PCSK5: variants seen among roughly 807,000 people sequenced by gnomAD.
PCSK5 encodes the protein prohormone convertase 5.
A neutral mutation model predicts 233.2 loss-of-function variants in PCSK5; 129 were observed. That is an observed-to-expected ratio of 0.55 (90% CI 0.48 to 0.64). PCSK5 has a LOEUF of 0.64. Ranked by LOEUF, PCSK5 falls within the 30% of genes least tolerant of loss-of-function variation. The pLI, the probability that PCSK5 is intolerant of heterozygous loss-of-function variation, is 0.00. For synonymous variants in PCSK5, 825 were observed against 879.2 expected (o/e 0.94, Z 1.09); for missense variants, 2,076 against 2,430.1 (o/e 0.85, Z 3.06).
At chr9:75,959,071 A>G (rs1825220419) in intron 2 of PCSK5, among the ~76,000 whole-genome samples, 2 of 152,170 alleles carry the variant, frequency 1.3e-5, no homozygotes, top group Non-Finnish European at 2.9e-5. Flanking sequence ...TTAATAGGAG[A>G]GCAGTGATCA....
At position 76,222,066 on chromosome 9, in the gene PCSK5, T is replaced by C. The variant is rs143108665; in HGVS notation, c.2627-5437T>C. Reference sequence around the variant, plus strand: ...AGCTGCCTAATGTTCATTCTGTCTTTAGTGCATCCTTGAGGAAAGGAAGAA... The same window carrying C: ...AGCTGCCTAATGTTCATTCTGTCTTCAGTGCATCCTTGAGGAAAGGAAGAA... On this transcript the variant is annotated intron_variant, in intron 20 of 37. Transcript: ENST00000674117. 2.4e-3 allele frequency among the ~76,000 whole-genome samples: 368 copies of C among 152,318 alleles called. 1 individual carries two copies. The highest frequency in any genetic ancestry group is 8.5e-3 in the African/African-American group (354 of 41,570).
chr9:76,051,568 A>C (rs1001940364), intron 5 of PCSK5, among the ~76,000 whole-genome samples: 1 of 152,176 alleles, frequency 6.6e-6, no homozygotes, highest in Non-Finnish European at 1.5e-5. Context: ...TATCATAGGT[A>C]ATACTTATCT....
rs777436525 is a variant in PCSK5, at chr9:76,358,936, C to A, written c.*14C>A. The A allele has an allele frequency of 1.1e-5, 17 of 1,604,572 alleles. 2 individuals are homozygous for A. In the South Asian group the frequency reaches 1.9e-4, roughly 18 times the overall value. The stretch of plus-strand genomic sequence containing the variant: ...TACTACCAGTAAACAGGCACTCCCC[C>A]ACCAACACCACCATTCCACTCTCAG... On this transcript the variant is annotated 3_prime_UTR_variant, in exon 38 of 38. Coordinates refer to ENST00000674117, the MANE Select transcript of PCSK5 (RefSeq NM_001372043.1).
intron 22 of PCSK5, among the ~76,000 whole-genome samples, chr9:76,235,510 A>G (rs1314839495): frequency 2.0e-5 from 3 of 152,178 alleles, no homozygotes; most frequent in Admixed American, 2.0e-4. Context: ...ATTGTGTTTA[A>G]TCCATTATCT....
intron 5 of PCSK5, among the ~76,000 whole-genome samples, chr9:76,038,217 G>A (rs908566575): frequency 2.6e-5 from 4 of 151,920 alleles, no homozygotes; most frequent in Non-Finnish European, 4.4e-5. Context: ...CAACCCTTCC[G>A]CCCCGACAAG....
chr9:75,907,317 C>T lies in PCSK5; in HGVS notation c.192+15944C>T, dbSNP rs184033541. Among the ~76,000 whole-genome samples the T allele has an allele frequency of 1.0e-2, 1,508 of 151,494 alleles. 6 individuals carry two copies. Among genetic ancestry groups the T allele is most frequent in the Middle Eastern group, 0.024 (7 of 294 alleles). On this transcript the variant is annotated intron_variant, in intron 1 of 37. Coordinates refer to ENST00000674117, the MANE Select transcript of PCSK5 (RefSeq NM_001372043.1). ...AAGTATTTTGCAGACATGGAACGTACGTAAAATGTAAAATAATGTGAACAC... is the reference window on the plus strand; with the variant it reads ...AAGTATTTTGCAGACATGGAACGTATGTAAAATGTAAAATAATGTGAACAC...
chr9:76,264,698 C>T lies in PCSK5; in HGVS notation c.3142+24014C>T, dbSNP rs78980838. Among the ~76,000 whole-genome samples, 292 of 152,080 alleles carry T rather than the reference C, an allele frequency of 1.9e-3. 1 individual carries two copies. Among genetic ancestry groups the T allele is most frequent in the African/African-American group, 6.0e-3 (250 of 41,496 alleles). ...AACATCAGAGAAATGCAAATCAAAA[C>T]GAAAAGGTAACATCTCATACCAGTC... On this transcript the variant is annotated intron_variant, in intron 24 of 37. Coordinates refer to ENST00000674117, the MANE Select transcript of PCSK5 (RefSeq NM_001372043.1).
chr9:76,338,094 C>T (rs1270347296), intron 34 of PCSK5, 136 bp from the exon 35 acceptor site: 1 of 634,680 alleles, frequency 1.6e-6, no homozygotes, highest in South Asian at 1.9e-5. Context: ...GTGTTATTAG[C>T]AATGAATCTA....
intron 2 of PCSK5, among the ~76,000 whole-genome samples, chr9:75,976,397 A>C (rs1013039962): frequency 1.3e-5 from 2 of 151,932 alleles, no homozygotes; most frequent in Non-Finnish European, 2.9e-5. Context: ...GCATCTTGGC[A>C]TGGCTAGGAA....
chr9:76,265,271 A>T (rs1378916252), intron 24 of PCSK5, among the ~76,000 whole-genome samples: 2 of 151,858 alleles, frequency 1.3e-5, no homozygotes, highest in Non-Finnish European at 2.9e-5. Flanking sequence ...AAAGGGAGGG[A>T]GGGGGAGGCG....
chr9:76,044,524 A>G (rs1348670343), intron 5 of PCSK5, among the ~76,000 whole-genome samples: 2 of 152,310 alleles, frequency 1.3e-5, no homozygotes, highest in East Asian at 3.9e-4. Flanking sequence ...TCTGTGTGTA[A>G]AACAGTGGGG....
chr9:75,962,407 C>T lies in PCSK5; in HGVS notation c.298-23725C>T, dbSNP rs777391141. Among the ~76,000 whole-genome samples the T allele has an allele frequency of 7.2e-5, 11 of 152,200 alleles. No individual in the cohort carries two copies. In the East Asian group the frequency reaches 9.6e-4, roughly 13 times the overall value. On this transcript the variant is annotated intron_variant, in intron 2 of 37. Transcript: ENST00000674117. Reference sequence around the variant, plus strand: ...GCTGGGCCAGGGGCCAGGCAATCAGCGAGCACATGGGGTGAGAGTCTTGGC... The same window carrying T: ...GCTGGGCCAGGGGCCAGGCAATCAGTGAGCACATGGGGTGAGAGTCTTGGC...
At chr9:76,197,733 G>A (rs538649153) in intron 20 of PCSK5, among the ~76,000 whole-genome samples, 28 of 152,242 alleles carry the variant, frequency 1.8e-4, no homozygotes, top group African/African-American at 6.5e-4. Context: ...ACCACAAGAT[G>A]GTAGAGGTGG....
intron 30 of PCSK5, 123 bp from the exon 31 acceptor site, chr9:76,321,299 G>C: frequency 1.6e-6 from 1 of 612,708 alleles, no homozygotes; most frequent in East Asian, 2.8e-5. Flanking sequence ...AAATCCCATG[G>C]ATGCCTCTCA....
At chr9:76,013,750 T>C (rs935707064) in intron 3 of PCSK5, among the ~76,000 whole-genome samples, 3 of 152,152 alleles carry the variant, frequency 2.0e-5, no homozygotes, top group Admixed American at 6.5e-5. Flanking sequence ...GAAAAACGGA[T>C]TGGTTTCTCA....
chr9:76,317,761 T>C (rs1464500747), intron 30 of PCSK5, among the ~76,000 whole-genome samples: 1 of 152,192 alleles, frequency 6.6e-6, no homozygotes, highest in Non-Finnish European at 1.5e-5. Flanking sequence ...ATGTGCCCGA[T>C]TGAACTTGCC....
intron 24 of PCSK5, among the ~76,000 whole-genome samples, chr9:76,276,752 C>T (rs1407750292): frequency 6.6e-6 from 1 of 152,184 alleles, no homozygotes; most frequent in East Asian, 1.9e-4. Flanking sequence ...TCTGAATTTA[C>T]GTACTTACTT....
intron 9 of PCSK5, among the ~76,000 whole-genome samples, chr9:76,125,474 T>G (rs1240461135): frequency 1.3e-5 from 2 of 152,206 alleles, no homozygotes; most frequent in Non-Finnish European, 2.9e-5. Context: ...TTGAGGAAGA[T>G]CGTTAAACTT....
At chr9:76,232,429 A>G (rs1669232699) in intron 21 of PCSK5, among the ~76,000 whole-genome samples, 2 of 152,196 alleles carry the variant, frequency 1.3e-5, no homozygotes, top group Non-Finnish European at 2.9e-5. Context: ...ATTACATAGG[A>G]ATCATTTAGC....
Sources: gnomAD v4.1 joint callset for allele counts (sites outside exome capture counted in the v4.1 genomes callset) on GRCh38, gnomAD v4.1.1 for gene constraint, MANE v1.5 for transcripts, NCBI Gene and HGNC (gene_info 2026-07-23, HGNC 2026-07-21) for gene names.